The following SLC45A4 variants were observed in gnomAD, a reference collection of about 807,000 sequenced individuals.
The protein encoded by SLC45A4 is polyamine-transporter SLC45A4.
Under a neutral mutation model 63.7 loss-of-function variants are expected in SLC45A4, and 32 were observed. The ratio of observed to expected loss-of-function variants is 0.50; its 90% CI spans 0.38 to 0.67. The LOEUF is 0.67. Ranked by LOEUF, SLC45A4 falls within the 30% of genes least tolerant of loss-of-function variation. The probability of loss-of-function intolerance (pLI) is 0.00; values close to 1 mark genes in which losing one functional copy is unlikely to be tolerated. For missense variants in SLC45A4, 1,027 were observed against 1,157.7 expected, an observed-to-expected ratio of 0.89 and a Z score of 1.64; for synonymous variants, 535 against 510.0, an observed-to-expected ratio of 1.05 and a Z score of -0.66.
chr8:141,274,534 CAAA>C (rs35503591), intron 1 of SLC45A4, among the ~76,000 whole-genome samples: 1 of 94,064 alleles, frequency 1.1e-5, no homozygotes, highest in African/African-American at 4.4e-5. Flanking sequence ...AACTCGGTCT[CAAA>C]AAAAAAAAAA....
At chr8:141,259,442 C>T (rs545883869) in intron 1 of SLC45A4, among the ~76,000 whole-genome samples, 2 of 152,332 alleles carry the variant, frequency 1.3e-5, no homozygotes, top group East Asian at 1.9e-4. Flanking sequence ...GCTGCCTCTC[C>T]GCCAGCCTGC....
chr8:141,296,194 G>A (rs1457387592), intron 1 of SLC45A4, among the ~76,000 whole-genome samples: 2 of 152,078 alleles, frequency 1.3e-5, no homozygotes, highest in African/African-American at 4.8e-5. Flanking sequence ...AGCCAGACAT[G>A]GTGGTTCATA....
chr8:141,276,165 T>C lies in SLC45A4; in HGVS notation c.-400-21536A>G, dbSNP rs113190616. Among the ~76,000 whole-genome samples, 281 of 152,230 alleles carry C rather than the reference T, an allele frequency of 1.8e-3. 3 individuals carry two copies. The highest frequency in any genetic ancestry group is 6.5e-3 in the African/African-American group (269 of 41,552). ...GATCCTCCCTCCTCAGCCTCCCAAA[T>C]TGCTGGGATTACAAGTGTGAGCCAC... On this transcript the variant is annotated intron_variant, in intron 1 of 8. Coordinates refer to ENST00000517878, the MANE Select transcript of SLC45A4 (RefSeq NM_001286646.2).
At position 141,217,188 on chromosome 8, in the gene SLC45A4, G is replaced by A; in HGVS notation, c.1631C>T (p.Ala544Val). The change falls in exon 6 of 9, where the codon GCC becomes GTC. Residue 544 changes from alanine to valine, a missense_variant and splice_region_variant. By Grantham distance (64) the Ala-to-Val change is moderately conservative (BLOSUM62 0). Coordinates refer to ENST00000517878, the MANE Select transcript of SLC45A4 (RefSeq NM_001286646.2). ...TTGCCAGGCGGTCGAGTTCGAGGGG[G>A]CCTGTTCCGGAAATGAGACGGGGGC... ...GQVIFEGDPK[A>V]PSNSTAWQAY... 6.2e-7 allele frequency: 1 copy of A among 1,613,428 alleles called. No individual in the cohort carries two copies. The highest frequency in any genetic ancestry group is 8.5e-7 in the Non-Finnish European group (1 of 1,179,924).
intron 1 of SLC45A4, among the ~76,000 whole-genome samples, chr8:141,287,805 G>A (rs55925913): frequency 0.21 from 32,025 of 152,172 alleles, 3,762 homozygotes; most frequent in East Asian, 0.35. Flanking sequence ...TCAGTGGGGC[G>A]GTGAGGAGAC....
At chr8:141,243,698 C>G (rs1828023297) in intron 2 of SLC45A4, among the ~76,000 whole-genome samples, 1 of 152,018 alleles carries the variant, frequency 6.6e-6, no homozygotes, top group African/African-American at 2.4e-5. Flanking sequence ...CTGTACCGTC[C>G]ATTTACACAG....
chr8:141,275,629 A>C (rs940495657), intron 1 of SLC45A4, among the ~76,000 whole-genome samples: 21 of 152,090 alleles, frequency 1.4e-4, no homozygotes, highest in African/African-American at 2.9e-4. Flanking sequence ...AAACAACAAC[A>C]ACCATGAAAC....
chr8:141,305,510 T>C (rs1216672687), intron 1 of SLC45A4, among the ~76,000 whole-genome samples: 5 of 152,202 alleles, frequency 3.3e-5, no homozygotes, highest in Non-Finnish European at 5.9e-5. Flanking sequence ...CACCCATCAT[T>C]AGCAGGAACG....
At chr8:141,295,994 G>A (rs528610433) in intron 1 of SLC45A4, among the ~76,000 whole-genome samples, 7 of 152,222 alleles carry the variant, frequency 4.6e-5, no homozygotes, top group Non-Finnish European at 8.8e-5. Context: ...CTAGGAAACA[G>A]GCTTCCAGCC....
Position 141,253,372 on chromosome 8 carries a change from C to T in SLC45A4, c.241+617G>A, listed in dbSNP as rs141415865. 7.4e-5 allele frequency: 15 copies of T among 203,352 alleles called. No individual in the cohort carries two copies. The Admixed American group carries it at 7.5e-4, about 10-fold the overall frequency. 12.6% of individuals were successfully genotyped at this position (203,352 alleles called of 1,614,324 possible). A position where few individuals can be genotyped will look rare whatever the true frequency, so the allele number is the denominator to read the frequency against. ...GTGTTTTCATGCCCACCTGTGCGTG[C>T]CTGTGAATTTCCATGCTTTTGGAAA... On this transcript the variant is annotated intron_variant, in intron 2 of 8. Transcript: ENST00000517878.
At chr8:141,223,346 C>G (rs1486994273) in intron 2 of SLC45A4, among the ~76,000 whole-genome samples, 1 of 152,222 alleles carries the variant, frequency 6.6e-6, no homozygotes, top group African/African-American at 2.4e-5. Flanking sequence ...CCGGGTTCCT[C>G]AGCTTCACCG....
intron 1 of SLC45A4, among the ~76,000 whole-genome samples, chr8:141,304,706 C>T (rs1380054498): frequency 2.0e-5 from 3 of 152,224 alleles, no homozygotes; most frequent in East Asian, 1.9e-4. Flanking sequence ...TCTAACCAGT[C>T]GCACTCAACA....
intron 1 of SLC45A4, among the ~76,000 whole-genome samples, chr8:141,295,906 C>T (rs943126806): frequency 1.3e-5 from 2 of 152,240 alleles, no homozygotes; most frequent in Non-Finnish European, 2.9e-5. Context: ...TGCTGGAGCC[C>T]TTGCCCCTCT....
At chr8:141,223,854 C>T (rs902224712) in intron 2 of SLC45A4, among the ~76,000 whole-genome samples, 3 of 152,230 alleles carry the variant, frequency 2.0e-5, no homozygotes, top group Admixed American at 1.3e-4. Flanking sequence ...CAGTCTGGCA[C>T]CAGATGGGAC....
chr8:141,267,167 C>T (rs1829299917), intron 1 of SLC45A4, among the ~76,000 whole-genome samples: 1 of 152,272 alleles, frequency 6.6e-6, no homozygotes, highest in Admixed American at 6.5e-5. Flanking sequence ...ACTTCCGTGA[C>T]ACTTCCACTG....
At chr8:141,213,424 A>G (rs1306485068) in intron 7 of SLC45A4, among the ~76,000 whole-genome samples, 1 of 152,270 alleles carries the variant, frequency 6.6e-6, no homozygotes, top group Non-Finnish European at 1.5e-5. Flanking sequence ...AATCAGTAAC[A>G]ACAGGACAAC....
intron 1 of SLC45A4, among the ~76,000 whole-genome samples, chr8:141,269,324 A>C (rs943298670): frequency 4.6e-5 from 7 of 152,224 alleles, no homozygotes; most frequent in Non-Finnish European, 1.0e-4. Flanking sequence ...GCACTTCAGA[A>C]ACCGAAAAGG....
chr8:141,238,694 A>G (rs1827748340), intron 2 of SLC45A4, among the ~76,000 whole-genome samples: 12 of 152,008 alleles, frequency 7.9e-5, no homozygotes, highest in Admixed American at 7.2e-4. Context: ...CCCATTCCCC[A>G]CAGAGACCTG....
intron 1 of SLC45A4, among the ~76,000 whole-genome samples, chr8:141,299,553 C>T (rs572223709): frequency 1.1e-4 from 17 of 152,346 alleles, no homozygotes; most frequent in East Asian, 1.9e-4. Flanking sequence ...GCCGCAGCCC[C>T]GGGATCCGGC....
Sources: gnomAD v4.1 joint callset for allele counts (sites outside exome capture counted in the v4.1 genomes callset) on GRCh38, gnomAD v4.1.1 for gene constraint, MANE v1.5 for transcripts, NCBI Gene and HGNC (gene_info 2026-07-23, HGNC 2026-07-21) for gene names.